MGST2: variants seen among roughly 807,000 people sequenced by gnomAD.
MGST2 encodes microsomal glutathione S-transferase 2.
In MGST2, 9 loss-of-function variants were observed where a neutral mutation model predicts 16.6. The ratio of observed to expected loss-of-function variants is 0.54; its 90% CI spans 0.33 to 0.95. The LOEUF (loss-of-function observed/expected upper bound fraction) is 0.95. Among genes scored for constraint, MGST2 ranks in the 40% least tolerant of loss-of-function variants. The probability of loss-of-function intolerance (pLI) is 0.03; values close to 1 mark genes in which losing one functional copy is unlikely to be tolerated. For synonymous variants in MGST2, 79 were observed against 68.0 expected, an observed-to-expected ratio of 1.16 and a Z score of -0.79; for missense variants, 159 against 175.1, an observed-to-expected ratio of 0.91 and a Z score of 0.52.
intron 1 of MGST2, among the ~76,000 whole-genome samples, chr4:139,672,694 G>A (rs1730763011): frequency 6.6e-6 from 1 of 151,902 alleles, no homozygotes; most frequent in African/African-American, 2.4e-5. Flanking sequence ...GGGACTACAG[G>A]TGTGCACCAC....
intron 5 of MGST2, among the ~76,000 whole-genome samples, chr4:139,716,217 T>A (rs1274994621): frequency 6.6e-6 from 1 of 152,146 alleles, no homozygotes; most frequent in African/African-American, 2.4e-5. Flanking sequence ...CAGAGGGGTA[T>A]AAACTTCTAA....
At chr4:139,667,938 C>G (rs554484789) in intron 1 of MGST2, among the ~76,000 whole-genome samples, 1 of 152,124 alleles carries the variant, frequency 6.6e-6, no homozygotes, top group African/African-American at 2.4e-5. Flanking sequence ...ACATGAGGGA[C>G]GAGTGGCCGG....
the MGST2 span, among the ~76,000 whole-genome samples, chr4:139,752,148 T>C: frequency 6.6e-6 from 1 of 152,188 alleles, no homozygotes; most frequent in Admixed American, 6.5e-5. Flanking sequence ...CTGTAGGTTC[T>C]CCCTAATAAT....
intron 5 of MGST2, among the ~76,000 whole-genome samples, chr4:139,737,032 C>T (rs111363567): frequency 2.0e-5 from 3 of 152,270 alleles, no homozygotes; most frequent in East Asian, 1.9e-4. Flanking sequence ...TCTTCCAGGA[C>T]GGACTACTCC....
intron 5 of MGST2, among the ~76,000 whole-genome samples, chr4:139,714,493 C>A (rs1035088413): frequency 2.6e-5 from 4 of 152,166 alleles, no homozygotes; most frequent in African/African-American, 9.7e-5. Flanking sequence ...GGGGGCCAAG[C>A]CGCATCATAA....
At chr4:139,702,382 C>A (rs1310983966) in intron 3 of MGST2, among the ~76,000 whole-genome samples, 3 of 152,090 alleles carry the variant, frequency 2.0e-5, no homozygotes, top group Non-Finnish European at 4.4e-5. Context: ...TGATTGTTTT[C>A]ATCAGTTAGG....
At chr4:139,699,771 G>A (rs770638062) in intron 3 of MGST2, among the ~76,000 whole-genome samples, 2 of 152,216 alleles carry the variant, frequency 1.3e-5, no homozygotes, top group Non-Finnish European at 2.9e-5. Flanking sequence ...AGGCCCAGAA[G>A]CTTATGCCTG....
intron 2 of MGST2, among the ~76,000 whole-genome samples, chr4:139,690,919 A>G (rs1031002630): frequency 6.6e-6 from 1 of 152,144 alleles, no homozygotes; most frequent in African/African-American, 2.4e-5. Flanking sequence ...GATGAACAAC[A>G]AGGGGTCTCA....
intron 1 of MGST2, among the ~76,000 whole-genome samples, chr4:139,667,238 G>GC (rs1190018792): frequency 1.8e-3 from 277 of 152,282 alleles, no homozygotes; most frequent in African/African-American, 6.4e-3. Flanking sequence ...AGTTCACGAT[G>GC]TACGGAGAAA....
In MGST2 at chr4:139,703,463, A is replaced by G. The variant is rs1301064506; in HGVS notation, c.238A>G (p.Thr80Ala). The G allele has an allele frequency of 1.2e-6, 2 of 1,613,172 alleles. No individual in the cohort carries two copies. Among genetic ancestry groups the G allele is most frequent in the Non-Finnish European group, 8.5e-7 (1 of 1,179,722 alleles). ...AGWYFNQVFA[T>A]CLGLVYIYGR... Reference sequence around the variant, plus strand: ...TTCCCACCCCCCTATAGTTTTTGCTACTTGTCTGGGTCTGGTGTACATATA... The same window carrying G: ...TTCCCACCCCCCTATAGTTTTTGCTGCTTGTCTGGGTCTGGTGTACATATA... The change falls in exon 4 of 5, where the codon ACT becomes GCT. Residue 80 changes from threonine to alanine, a missense_variant. Physicochemically the swap from Thr to Ala is moderately conservative, Grantham distance 58. Coordinates refer to ENST00000265498, the MANE Select transcript of MGST2 (RefSeq NM_002413.5).
chr4:139,698,641 A>T, intron 3 of MGST2: 1 of 850,042 alleles, frequency 1.2e-6, no homozygotes, highest in Middle Eastern at 2.7e-4. Context: ...AGAGCCAAGT[A>T]TGTGTTTCTT....
intron 1 of MGST2, among the ~76,000 whole-genome samples, chr4:139,672,798 G>T (rs1054185547): frequency 1.3e-5 from 2 of 152,126 alleles, no homozygotes; most frequent in African/African-American, 2.4e-5. Flanking sequence ...TGATCCACTA[G>T]CCTCAGCCTC....
downstream of MGST2, among the ~76,000 whole-genome samples, chr4:139,742,179 C>T (rs1193623481): frequency 7.2e-4 from 106 of 147,332 alleles, no homozygotes; most frequent in Non-Finnish European, 1.3e-4. Flanking sequence ...GAGAGAGTCT[C>T]GCTCTGTCAG....
chr4:139,725,858 G>C lies in MGST2; in HGVS notation c.*49-14354G>C, dbSNP rs762667888. ...CTGCTAGAACAACAGAACACAAGAGGGGTGGAGAGGTGAGATAGGGAGCAA... is the reference window on the plus strand; with the variant it reads ...CTGCTAGAACAACAGAACACAAGAGCGGTGGAGAGGTGAGATAGGGAGCAA... On this transcript the variant is annotated intron_variant, in intron 5 of 5. Coordinates refer to the MGST2 transcript ENST00000616265. The C allele has an allele frequency of 3.7e-6, 6 of 1,601,574 alleles. No homozygotes were observed. The African/African-American group carries it at 8.0e-5, about 21-fold the overall frequency.
At chr4:139,668,258 G>T (rs1289210038) in intron 1 of MGST2, among the ~76,000 whole-genome samples, 1 of 152,162 alleles carries the variant, frequency 6.6e-6, no homozygotes, top group African/African-American at 2.4e-5. Flanking sequence ...AAGCTTCCAG[G>T]TAGCAGCGTT....
rs768739024 is a variant in MGST2 at position 139,678,651 on chromosome 4, T to C, written c.158+9T>C. ...AGAGTATTTCGGGCACAGTAAGTAATGCTTCTTCCACCCTTCATGGATCTG... is the reference window on the plus strand; with the variant it reads ...AGAGTATTTCGGGCACAGTAAGTAACGCTTCTTCCACCCTTCATGGATCTG... On this transcript the variant is annotated intron_variant, in intron 2 of 4. Transcript: ENST00000265498. 6.9e-6 allele frequency: 11 copies of C among 1,593,040 alleles called. No homozygotes were observed. In the African/African-American group the frequency reaches 1.1e-4, roughly 16 times the overall value.
intron 5 of MGST2, among the ~76,000 whole-genome samples, chr4:139,728,669 C>G (rs1728575688): frequency 6.6e-6 from 1 of 152,196 alleles, no homozygotes; most frequent in Admixed American, 6.5e-5. Flanking sequence ...TCCCATTTCC[C>G]TTGTCTTTCC....
At chr4:139,680,400 G>A (rs568785550) in intron 2 of MGST2, among the ~76,000 whole-genome samples, 8 of 151,886 alleles carry the variant, frequency 5.3e-5, no homozygotes, top group Non-Finnish European at 1.2e-4. Flanking sequence ...ATCTCCTTTC[G>A]TTACATTCAA....
At chr4:139,719,916 T>G in intron 5 of MGST2, 1 of 1,614,072 alleles carries the variant, frequency 6.2e-7, no homozygotes, top group Non-Finnish European at 8.5e-7. Context: ...GCTTGGGGCC[T>G]AGGCAAGGCC....
Sources: allele counts gnomAD v4.1 joint callset (sites outside exome capture counted in the v4.1 genomes callset), GRCh38; gene constraint gnomAD v4.1.1; transcripts MANE v1.5; gene names NCBI Gene and HGNC (gene_info 2026-07-23, HGNC 2026-07-21).